Variants in ASTN2 observed in about 807,000 individuals in gnomAD.
ASTN2 encodes astrotactin 2.
In ASTN2, 54 loss-of-function variants were observed where a neutral mutation model predicts 139.8. The observed-to-expected ratio is 0.39, with a 90% CI of 0.31 to 0.48. The LOEUF is 0.48. Among genes scored for constraint, ASTN2 ranks in the 20% least tolerant of loss-of-function variants. ASTN2 has a pLI of 0.95. For missense variants in ASTN2, 1,565 were observed against 1,725.1 expected, an observed-to-expected ratio of 0.91 and a Z score of 1.64; for synonymous variants, 756 against 719.5, an observed-to-expected ratio of 1.05 and a Z score of -0.81.
At chr9:117,214,285 G>A in intron 3 of ASTN2, 73 bp downstream of exon 3, 2 of 1,498,576 alleles carry the variant, frequency 1.3e-6, no homozygotes, top group Non-Finnish European at 1.8e-6. Flanking sequence ...GTCCCCAACT[G>A]CCCAGCTTCT....
intron 13 of ASTN2, among the ~76,000 whole-genome samples, chr9:116,770,116 A>C (rs1208115607): frequency 6.6e-6 from 1 of 151,692 alleles, no homozygotes; most frequent in Non-Finnish European, 1.5e-5. Flanking sequence ...AAAAAAAAAA[A>C]AAACTAAAAA....
chr9:117,264,421 C>A (rs762300349), intron 2 of ASTN2, among the ~76,000 whole-genome samples: 30 of 152,142 alleles, frequency 2.0e-4, no homozygotes, highest in Non-Finnish European at 3.7e-4. Context: ...ATATTAGCTT[C>A]CTCGTGATAA....
At chr9:116,709,724 G>A (rs1458004279) in intron 16 of ASTN2, among the ~76,000 whole-genome samples, 1 of 151,978 alleles carries the variant, frequency 6.6e-6, no homozygotes, top group Non-Finnish European at 1.5e-5. Context: ...ACAATAAAAG[G>A]CCTCATTAAC....
chr9:116,977,582 C>A (rs1459359770), intron 7 of ASTN2, among the ~76,000 whole-genome samples: 3 of 152,116 alleles, frequency 2.0e-5, no homozygotes, highest in Non-Finnish European at 2.9e-5. Context: ...TTTCAAGTGG[C>A]CAGCATATGT....
Position 117,116,232 on chromosome 9 carries a change from G to C in ASTN2, c.1169-20081C>G, listed in dbSNP as rs558460643. Among the ~76,000 whole-genome samples the C allele has an allele frequency of 4.6e-5, 7 of 152,254 alleles. No individual in the cohort carries two copies. The South Asian group carries it at 1.5e-3, about 32-fold the overall frequency. On this transcript the variant is annotated intron_variant, in intron 4 of 22. Transcript: ENST00000313400. ...ATGGTCAGGATGTGAGATTAGGGTTGTGTGTGTAGTGAGGCATGAGAATGG... is the reference window on the plus strand; with the variant it reads ...ATGGTCAGGATGTGAGATTAGGGTTCTGTGTGTAGTGAGGCATGAGAATGG...
chr9:117,152,424 A>G (rs1039399764), intron 3 of ASTN2, among the ~76,000 whole-genome samples: 1 of 152,102 alleles, frequency 6.6e-6, no homozygotes, highest in Non-Finnish European at 1.5e-5. Context: ...ATCCAGTCCC[A>G]TTCATGGTTA....
intron 10 of ASTN2, among the ~76,000 whole-genome samples, chr9:116,943,901 A>T (rs1198822252): frequency 6.6e-6 from 1 of 152,278 alleles, no homozygotes; most frequent in South Asian, 2.1e-4. Flanking sequence ...TAGCTCTATG[A>T]TGAGTACTAA....
chr9:116,718,972 G>GTATATATATATATA lies in ASTN2; in HGVS notation c.2806+6798_2806+6799insTATATATATATATA, dbSNP rs373217069. The stretch of plus-strand genomic sequence containing the variant: ...TATTTACATATCTATACCTGTATCT[G>GTATATATATATATA]TACATATATATATATATATCTGCCT... On this transcript the variant is annotated intron_variant, in intron 16 of 22. Coordinates refer to ENST00000313400, the MANE Select transcript of ASTN2 (RefSeq NM_001365068.1). Among the ~76,000 whole-genome samples the GTATATATATATATA allele has an allele frequency of 1.9e-3, 188 of 100,026 alleles. 14 individuals carry two copies. The highest frequency in any genetic ancestry group is 5.3e-3 in the African/African-American group (137 of 26,048). 65.6% of individuals were successfully genotyped at this position (100,026 alleles called of 152,430 possible).
chr9:117,241,054 T>G (rs1312882685), intron 2 of ASTN2, among the ~76,000 whole-genome samples: 3 of 152,180 alleles, frequency 2.0e-5, no homozygotes, highest in African/African-American at 7.2e-5. Context: ...AGGACAATTC[T>G]CTCTATGCCA....
At chr9:116,432,622 C>T (rs1847531996) in intron 22 of ASTN2, among the ~76,000 whole-genome samples, 1 of 152,170 alleles carries the variant, frequency 6.6e-6, no homozygotes, top group Admixed American at 6.5e-5. Context: ...CAGCTCTTTA[C>T]TGTGCAAGAA....
intron 16 of ASTN2, among the ~76,000 whole-genome samples, chr9:116,672,153 G>T (rs1055997581): frequency 1.3e-5 from 2 of 152,046 alleles, no homozygotes; most frequent in African/African-American, 4.8e-5. Context: ...GCAGGAGGAT[G>T]GCTTGAGCTC....
intron 6 of ASTN2, among the ~76,000 whole-genome samples, chr9:117,035,142 T>C (rs1170551246): frequency 6.6e-6 from 1 of 151,884 alleles, no homozygotes; most frequent in East Asian, 1.9e-4. Flanking sequence ...CTCATGGGGG[T>C]GACTGAAAAA....
intron 5 of ASTN2, among the ~76,000 whole-genome samples, chr9:117,074,574 G>A (rs1028589320): frequency 3.3e-5 from 5 of 152,156 alleles, no homozygotes; most frequent in Non-Finnish European, 7.4e-5. Flanking sequence ...TAGAGAGGTG[G>A]ATTTGGCTAA....
At chr9:116,734,353 G>T (rs1359199445) in intron 13 of ASTN2, among the ~76,000 whole-genome samples, 1 of 152,116 alleles carries the variant, frequency 6.6e-6, no homozygotes, top group Non-Finnish European at 1.5e-5. Context: ...GCAGAGGGAG[G>T]CAGGTTTCAT....
chr9:117,035,430 G>A (rs1036054661), intron 6 of ASTN2, among the ~76,000 whole-genome samples: 1 of 152,084 alleles, frequency 6.6e-6, no homozygotes, highest in East Asian at 1.9e-4. Flanking sequence ...GATGACATGG[G>A]TTCAAGAAAA....
chr9:116,597,402 G>A (rs1403870014), intron 19 of ASTN2, among the ~76,000 whole-genome samples: 4 of 142,760 alleles, frequency 2.8e-5, no homozygotes, highest in Non-Finnish European at 1.5e-5. Context: ...CCACCTCCCA[G>A]GTTCAAGGGA....
intron 1 of ASTN2, among the ~76,000 whole-genome samples, chr9:117,353,379 C>G (rs768134166): frequency 6.6e-6 from 1 of 152,290 alleles, no homozygotes. Flanking sequence ...ATGGTCAACA[C>G]TAGCCACACA....
chr9:116,799,553 C>G (rs1830786091), intron 13 of ASTN2, among the ~76,000 whole-genome samples: 1 of 152,032 alleles, frequency 6.6e-6, no homozygotes, highest in Non-Finnish European at 1.5e-5. Context: ...TGCTCAGTCC[C>G]CATTCCCAAG....
At chr9:116,696,124 A>G (rs1317407830) in intron 16 of ASTN2, among the ~76,000 whole-genome samples, 1 of 152,164 alleles carries the variant, frequency 6.6e-6, no homozygotes, top group East Asian at 1.9e-4. Flanking sequence ...TTCCTGCTTC[A>G]AAACATTCAT....
Sources: allele counts gnomAD v4.1 joint callset (sites outside exome capture counted in the v4.1 genomes callset), GRCh38; gene constraint gnomAD v4.1.1; transcripts MANE v1.5; gene names NCBI Gene and HGNC (gene_info 2026-07-23, HGNC 2026-07-21).